GABRB1: variants seen among roughly 807,000 people sequenced by gnomAD.
GABRB1 encodes gamma-aminobutyric acid type A receptor subunit beta1.
Under a neutral mutation model 51.6 loss-of-function variants are expected in GABRB1, and 17 were observed. The observed-to-expected ratio is 0.33, with a 90% CI of 0.23 to 0.49. GABRB1 has a LOEUF of 0.49. Among genes scored for constraint, GABRB1 ranks in the 20% least tolerant of loss-of-function variants. GABRB1 has a pLI of 0.99. For missense variants in GABRB1, 410 were observed against 600.6 expected (o/e 0.68, Z 3.32); for synonymous variants, 247 against 218.9 (o/e 1.13, Z -1.14).
chr4:47,260,345 G>A (rs1487909879), intron 4 of GABRB1, among the ~76,000 whole-genome samples: 2 of 151,710 alleles, frequency 1.3e-5, no homozygotes, highest in South Asian at 2.1e-4. Flanking sequence ...TAATATTGTT[G>A]TGTGTGAATT....
intron 5 of GABRB1, among the ~76,000 whole-genome samples, chr4:47,346,411 T>C (rs984976486): frequency 2.6e-5 from 4 of 152,204 alleles, no homozygotes; most frequent in Non-Finnish European, 5.9e-5. Flanking sequence ...GTATCTATTA[T>C]GATGAACCTG....
At chr4:47,242,924 C>T (rs533314897) in intron 4 of GABRB1, among the ~76,000 whole-genome samples, 8 of 152,142 alleles carry the variant, frequency 5.3e-5, no homozygotes, top group Non-Finnish European at 1.0e-4. Context: ...GCTTTCGTTG[C>T]CATTGCTTTT....
chr4:47,215,321 T>A (rs985280212), intron 4 of GABRB1, among the ~76,000 whole-genome samples: 4 of 152,176 alleles, frequency 2.6e-5, no homozygotes, highest in Admixed American at 2.0e-4. Flanking sequence ...TCTACTATAT[T>A]ACAATGAGTT....
At chr4:47,223,474 T>C (rs556544615) in intron 4 of GABRB1, among the ~76,000 whole-genome samples, 6 of 152,162 alleles carry the variant, frequency 3.9e-5, no homozygotes, top group Non-Finnish European at 7.4e-5. Flanking sequence ...CTTAATGCAA[T>C]ATTTAGTAAA....
chr4:47,227,241 G>A (rs542226243), intron 4 of GABRB1, among the ~76,000 whole-genome samples: 1 of 152,196 alleles, frequency 6.6e-6, no homozygotes, highest in East Asian at 1.9e-4. Context: ...GTGCAAAATT[G>A]TATTGCTTCC....
chr4:47,371,654 G>T (rs1051165045), intron 5 of GABRB1, among the ~76,000 whole-genome samples: 2 of 151,018 alleles, frequency 1.3e-5, no homozygotes, highest in Non-Finnish European at 2.9e-5. Context: ...ATGGTATCTC[G>T]TTGTGGTTTT....
intron 1 of GABRB1, among the ~76,000 whole-genome samples, chr4:47,004,328 T>C (rs1044281704): frequency 2.0e-5 from 3 of 152,188 alleles, no homozygotes; most frequent in African/African-American, 7.2e-5. Flanking sequence ...TCTTTAATTT[T>C]TCCCAGTGGT....
intron 5 of GABRB1, among the ~76,000 whole-genome samples, chr4:47,333,648 G>C (rs1027710092): frequency 2.0e-5 from 3 of 152,118 alleles, no homozygotes; most frequent in African/African-American, 7.2e-5. Context: ...CCAGGAAATG[G>C]AGGTTGCAGT....
chr4:47,236,174 A>G (rs1052351250), intron 4 of GABRB1, among the ~76,000 whole-genome samples: 1 of 152,118 alleles, frequency 6.6e-6, no homozygotes, highest in Non-Finnish European at 1.5e-5. Context: ...ATTAAATTTT[A>G]TATTATTCAT....
intron 3 of GABRB1, among the ~76,000 whole-genome samples, chr4:47,063,449 AT>A (rs1182839277): frequency 4.6e-5 from 7 of 152,186 alleles, no homozygotes; most frequent in Admixed American, 1.3e-4. Flanking sequence ...GTGTCCTTGG[AT>A]TCCTACACTG....
rs369692927 is a variant in GABRB1 at position 47,052,931 on chromosome 4, A to T, written c.240+20447A>T. Among the ~76,000 whole-genome samples, 6 of 152,292 alleles carry T rather than the reference A, an allele frequency of 3.9e-5. No individual in the cohort carries two copies. In the East Asian group the frequency reaches 5.8e-4, roughly 15 times the overall value. On this transcript the variant is annotated intron_variant, in intron 3 of 8. Transcript: ENST00000295454. Reference sequence around the variant, plus strand: ...TAATTCTGGTGGAAATCAGAGAAGAAATTAAAATGTGAGAAAAAAGGGAAG... The same window carrying T: ...TAATTCTGGTGGAAATCAGAGAAGATATTAAAATGTGAGAAAAAAGGGAAG...
chr4:47,087,347 A>G (rs1728120569), intron 3 of GABRB1, among the ~76,000 whole-genome samples: 1 of 152,150 alleles, frequency 6.6e-6, no homozygotes, highest in Admixed American at 6.5e-5. Context: ...ATAACATTGT[A>G]TATAATATTA....
intron 4 of GABRB1, among the ~76,000 whole-genome samples, chr4:47,289,601 T>TA (rs1454020902): frequency 1.3e-5 from 2 of 152,200 alleles, no homozygotes; most frequent in Non-Finnish European, 2.9e-5. Context: ...CACACTAAAA[T>TA]AGTATTGGAA....
At chr4:47,089,205 G>A (rs1728197387) in intron 3 of GABRB1, among the ~76,000 whole-genome samples, 1 of 152,116 alleles carries the variant, frequency 6.6e-6, no homozygotes, top group Admixed American at 6.5e-5. Context: ...AGTCTGTTTT[G>A]ACTGAGGTGC....
chr4:47,163,146 T>C (rs1472244156), intron 4 of GABRB1, among the ~76,000 whole-genome samples: 1 of 152,096 alleles, frequency 6.6e-6, no homozygotes, highest in Non-Finnish European at 1.5e-5. Flanking sequence ...ACAAATTATG[T>C]AAATTTGTTA....
At chr4:47,304,649 A>G (rs1478847088) in intron 4 of GABRB1, among the ~76,000 whole-genome samples, 2 of 152,072 alleles carry the variant, frequency 1.3e-5, no homozygotes, top group Non-Finnish European at 2.9e-5. Context: ...TTACAATGTT[A>G]CAAATGGAAA....
intron 4 of GABRB1, among the ~76,000 whole-genome samples, chr4:47,187,561 C>T (rs1393133049): frequency 6.6e-6 from 1 of 151,792 alleles, no homozygotes; most frequent in Non-Finnish European, 1.5e-5. Context: ...CAGACGTGCA[C>T]AATTTAGCGT....
At chr4:47,002,799 T>C (rs1273091112) in intron 1 of GABRB1, among the ~76,000 whole-genome samples, 3 of 152,206 alleles carry the variant, frequency 2.0e-5, no homozygotes, top group African/African-American at 7.2e-5. Flanking sequence ...CAGACTGCTC[T>C]TCATTACCAT....
intron 3 of GABRB1, among the ~76,000 whole-genome samples, chr4:47,096,805 A>T (rs1397023386): frequency 6.6e-6 from 1 of 152,220 alleles, no homozygotes; most frequent in Non-Finnish European, 1.5e-5. Flanking sequence ...CTATGAGCAG[A>T]GGAATGTGGG....
Sources: allele counts gnomAD v4.1 joint callset (sites outside exome capture counted in the v4.1 genomes callset), GRCh38; gene constraint gnomAD v4.1.1; transcripts MANE v1.5; gene names NCBI Gene and HGNC (gene_info 2026-07-23, HGNC 2026-07-21).